The following POLR3B variants were observed in gnomAD, a reference collection of about 807,000 sequenced individuals.
POLR3B encodes the protein RNA polymerase III subunit B.
A neutral mutation model predicts 147.4 loss-of-function variants in POLR3B; 96 were observed. That is an observed-to-expected ratio of 0.65 (90% CI 0.55 to 0.77). POLR3B has a LOEUF of 0.77. Ranked by LOEUF, POLR3B falls within the 30% of genes least tolerant of loss-of-function variation. The pLI is 0.00. For missense variants in POLR3B, 1,036 were observed against 1,413.5 expected (o/e 0.73, Z 4.28); for synonymous variants, 461 against 485.9 (o/e 0.95, Z 0.67).
chr12:106,360,524 C>T (rs892195805), intron 1 of POLR3B, among the ~76,000 whole-genome samples: 1 of 152,298 alleles, frequency 6.6e-6, no homozygotes, highest in Admixed American at 6.5e-5. Flanking sequence ...CTACTTGCTG[C>T]CATTTCCTTT....
intron 12 of POLR3B, among the ~76,000 whole-genome samples, chr12:106,419,655 G>C (rs1002333109): frequency 6.6e-6 from 1 of 151,246 alleles, no homozygotes; most frequent in Non-Finnish European, 1.5e-5. Context: ...TTCTTCCACT[G>C]CAAAGAAAAA....
chr12:106,417,467 A>G (rs577782370), intron 12 of POLR3B, among the ~76,000 whole-genome samples: 5 of 152,264 alleles, frequency 3.3e-5, no homozygotes, highest in Admixed American at 2.0e-4. Context: ...GGGGAGTGAC[A>G]TGATCTGATT....
At chr12:106,397,655 CT>C (rs2036998248) in intron 10 of POLR3B, among the ~76,000 whole-genome samples, 1 of 152,038 alleles carries the variant, frequency 6.6e-6, no homozygotes, top group African/African-American at 2.4e-5. Flanking sequence ...CTTTTCATTC[CT>C]TTTTATGTCA....
chr12:106,501,151 T>C (rs1023371768), intron 25 of POLR3B, among the ~76,000 whole-genome samples, 172 bp from the exon 26 acceptor site: 1 of 152,224 alleles, frequency 6.6e-6, no homozygotes, highest in East Asian at 1.9e-4. Context: ...TAAATATAGC[T>C]ATGGTACTTT....
intron 27 of POLR3B, among the ~76,000 whole-genome samples, chr12:106,508,016 G>A (rs115462814): frequency 6.6e-5 from 10 of 152,202 alleles, no homozygotes; most frequent in African/African-American, 1.7e-4. Context: ...AAAATTTTAC[G>A]TATGATTTTG....
At chr12:106,438,891 C>A (rs1325083730) in intron 18 of POLR3B, among the ~76,000 whole-genome samples, 18 of 152,166 alleles carry the variant, frequency 1.2e-4, no homozygotes, top group Admixed American at 1.2e-3. Flanking sequence ...CACAATATTT[C>A]TTCTTGAACA....
chr12:106,456,745 T>TAG (rs2037870418), intron 20 of POLR3B, among the ~76,000 whole-genome samples: 2 of 152,182 alleles, frequency 1.3e-5, no homozygotes, highest in African/African-American at 4.8e-5. Flanking sequence ...ACCTCACTCC[T>TAG]AGTGCCTGTA....
At chr12:106,370,894 A>G (rs192720421) in intron 6 of POLR3B, among the ~76,000 whole-genome samples, 3 of 152,198 alleles carry the variant, frequency 2.0e-5, no homozygotes, top group Admixed American at 6.5e-5. Context: ...GGACTCTCAG[A>G]GTGCTGGGAT....
chr12:106,446,095 C>T (rs780236676), intron 19 of POLR3B: 7 of 301,122 alleles, frequency 2.3e-5, no homozygotes, highest in African/African-American at 4.5e-5. Flanking sequence ...GCTGATTTCC[C>T]GCTTGTGCTT....
chr12:106,489,663 AG>A (rs1401882641), intron 23 of POLR3B, among the ~76,000 whole-genome samples: 1 of 152,216 alleles, frequency 6.6e-6, no homozygotes, highest in Non-Finnish European at 1.5e-5. Flanking sequence ...CTGTTAAACA[AG>A]GTTTGGTTTT....
intron 18 of POLR3B, among the ~76,000 whole-genome samples, chr12:106,441,144 T>C (rs1867241920): frequency 6.6e-6 from 1 of 152,142 alleles, no homozygotes; most frequent in Non-Finnish European, 1.5e-5. Context: ...TGTGTGTGTA[T>C]AAAACAGTGA....
chr12:106,373,846 TGTA>T (rs1398737690), intron 6 of POLR3B, among the ~76,000 whole-genome samples: 3 of 152,310 alleles, frequency 2.0e-5, no homozygotes, highest in Middle Eastern at 3.4e-3. Flanking sequence ...GTCTTGAGAA[TGTA>T]GTTTATTTTT....
At chr12:106,500,731 G>A (rs1348014729) in intron 25 of POLR3B, among the ~76,000 whole-genome samples, 1 of 152,192 alleles carries the variant, frequency 6.6e-6, no homozygotes, top group Non-Finnish European at 1.5e-5. Context: ...CTCCATTTGA[G>A]GAGTAATGAA....
intron 10 of POLR3B, among the ~76,000 whole-genome samples, chr12:106,399,128 G>A (rs549631034): frequency 1.3e-5 from 2 of 152,284 alleles, no homozygotes; most frequent in Admixed American, 6.5e-5. Flanking sequence ...ATGCAGAGAA[G>A]TCCTTAAAGG....
chr12:106,495,234 A>G lies in POLR3B; in HGVS notation c.2714-821A>G, dbSNP rs143027051. On this transcript the variant is annotated intron_variant, in intron 23 of 27. Coordinates refer to ENST00000228347, the MANE Select transcript of POLR3B (RefSeq NM_018082.6). ...AAACTATTTAGCAACAAAATCCCCT[A>G]TAGGTTAGAATAATATTAAGGGAAT... Among the ~76,000 whole-genome samples, 880 of 152,340 alleles carry G rather than the reference A, an allele frequency of 5.8e-3. 7 individuals carry two copies. The highest frequency in any genetic ancestry group is 0.02 in the African/African-American group (824 of 41,576).
At chr12:106,408,485 C>G (rs947060715) in intron 11 of POLR3B, among the ~76,000 whole-genome samples, 1 of 152,110 alleles carries the variant, frequency 6.6e-6, no homozygotes, top group Non-Finnish European at 1.5e-5. Context: ...GGGTGGGTCC[C>G]GGTAATCTGT....
chr12:106,430,341 A>T lies in POLR3B; in HGVS notation c.1332A>T (p.Ser444=), dbSNP rs145020083. 6.2e-6 allele frequency: 10 copies of T among 1,614,134 alleles called. No homozygotes were observed. Among genetic ancestry groups the T allele is most frequent in the Non-Finnish European group, 8.5e-6 (10 of 1,179,970 alleles). ...TAACCCAAGTGCTGTCTCGCTTGTCATATATATCCGCACTGGGCATGATGA... is the reference window on the plus strand; with the variant it reads ...TAACCCAAGTGCTGTCTCGCTTGTCTTATATATCCGCACTGGGCATGATGA... ...QGVTQVLSRL[S]YISALGMMTR... The change falls in exon 14 of 28, where the codon TCA becomes TCT. Residue 444 remains serine (S), a synonymous_variant. Transcript: ENST00000228347.
intron 18 of POLR3B, among the ~76,000 whole-genome samples, chr12:106,442,058 C>A (rs2037658479): frequency 7.0e-6 from 1 of 143,398 alleles, no homozygotes; most frequent in African/African-American, 2.7e-5. Flanking sequence ...CCAGCCTGGG[C>A]AGCAAGAGCG....
intron 10 of POLR3B, among the ~76,000 whole-genome samples, chr12:106,403,853 C>T (rs1288113313): frequency 6.6e-6 from 1 of 151,054 alleles, no homozygotes; most frequent in Non-Finnish European, 1.5e-5. Context: ...GAGGTAATAC[C>T]TAATGCTAAA....
Sources: allele counts gnomAD v4.1 joint callset (sites outside exome capture counted in the v4.1 genomes callset), GRCh38; gene constraint gnomAD v4.1.1; transcripts MANE v1.5; gene names NCBI Gene and HGNC (gene_info 2026-07-23, HGNC 2026-07-21).